ATXN7: variants seen among roughly 807,000 people sequenced by gnomAD.
ATXN7 encodes the protein ataxin-7.
ATXN7 carries 12 observed loss-of-function variants against 70.5 expected under a neutral mutation model. That is an observed-to-expected ratio of 0.17 (90% CI 0.11 to 0.28). ATXN7 has a LOEUF of 0.28. ATXN7 is among the 10% of genes least tolerant of loss of function. The pLI is 1.00. For missense variants in ATXN7, 1,256 were observed against 1,131.7 expected (o/e 1.11, Z -1.58); for synonymous variants, 498 against 448.7 (o/e 1.11, Z -1.39).
chr3:63,919,358 C>A (rs552402826), intron 4 of ATXN7, among the ~76,000 whole-genome samples: 2 of 152,148 alleles, frequency 1.3e-5, no homozygotes, highest in Non-Finnish European at 2.9e-5. Flanking sequence ...GACCACTGTT[C>A]TGATGAATTC....
intron 11 of ATXN7, among the ~76,000 whole-genome samples, chr3:63,993,529 T>A (rs1364057909): frequency 6.6e-6 from 1 of 152,194 alleles, no homozygotes; most frequent in South Asian, 2.1e-4. Context: ...ATGCTTGTTT[T>A]CCACCTAGCC....
intron 5 of ATXN7, among the ~76,000 whole-genome samples, chr3:63,960,200 A>G (rs2075104996): frequency 6.6e-6 from 1 of 152,340 alleles, no homozygotes; most frequent in South Asian, 2.1e-4. Flanking sequence ...CATAGAGGAA[A>G]TAGCAAGTGC....
intron 5 of ATXN7, 76 bp downstream of exon 5, chr3:63,952,559 G>C: frequency 1.0e-6 from 1 of 977,048 alleles, no homozygotes. Flanking sequence ...GAACAGTGAT[G>C]GCATGCATGG....
rs188085025 is a variant in ATXN7, at chr3:63,903,023, T to C, written c.-12+4526T>C. ...CTCCTTGCTTCTCATATGGTAAATC[T>C]AGAGTTATCTAGATTGTTTTTTGCA... On this transcript the variant is annotated intron_variant, in intron 2 of 12. Transcript: ENST00000674280. 1.3e-3 allele frequency among the ~76,000 whole-genome samples: 203 copies of C among 152,218 alleles called. 2 individuals carry two copies. The Middle Eastern group carries it at 0.02, about 15-fold the overall frequency.
At chr3:63,933,189 T>C (rs1331586130) in intron 4 of ATXN7, among the ~76,000 whole-genome samples, 2 of 152,214 alleles carry the variant, frequency 1.3e-5, no homozygotes, top group African/African-American at 2.4e-5. Flanking sequence ...GTATGTTTTA[T>C]GGCTAGGGAC....
intron 8 of ATXN7, among the ~76,000 whole-genome samples, chr3:63,985,424 C>T (rs974648316): frequency 1.3e-5 from 2 of 152,206 alleles, no homozygotes; most frequent in African/African-American, 4.8e-5. Flanking sequence ...ATGCAGCATC[C>T]ACCAGGCCTG....
At chr3:63,948,315 C>G (rs189661387) in intron 4 of ATXN7, among the ~76,000 whole-genome samples, 1 of 152,038 alleles carries the variant, frequency 6.6e-6, no homozygotes, top group Admixed American at 6.6e-5. Flanking sequence ...GTATCATTTA[C>G]CCAAAATGGG....
In ATXN7 at chr3:63,942,215, G is replaced by A. The variant is rs534505421; in HGVS notation, c.395-10164G>A. 6.6e-5 allele frequency among the ~76,000 whole-genome samples: 10 copies of A among 152,288 alleles called. No individual in the cohort carries two copies. The South Asian group carries it at 2.1e-3, about 32-fold the overall frequency. On this transcript the variant is annotated intron_variant, in intron 4 of 12. Transcript: ENST00000674280. ...AATTCAAGAAGGGCACTGAGTAGTG[G>A]AGGAGCTCATCTAATAAGATGGTAA...
chr3:63,888,603 C>G (rs1411864447), intron 1 of ATXN7, among the ~76,000 whole-genome samples: 1 of 152,016 alleles, frequency 6.6e-6, no homozygotes, highest in African/African-American at 2.4e-5. Flanking sequence ...ATGGTGAAAC[C>G]CTGTCTCTAC....
chr3:63,889,807 A>G (rs1007827894), intron 1 of ATXN7, among the ~76,000 whole-genome samples: 4 of 152,196 alleles, frequency 2.6e-5, no homozygotes, highest in African/African-American at 9.6e-5. Flanking sequence ...ACAGATTTTT[A>G]TGAATAGGGT....
chr3:63,989,687 A>T (rs984612547), intron 9 of ATXN7, among the ~76,000 whole-genome samples: 1 of 152,294 alleles, frequency 6.6e-6, no homozygotes, highest in East Asian at 1.9e-4. Flanking sequence ...GTTATATGCA[A>T]ATACTACACC....
chr3:63,980,075 G>A lies in ATXN7; in HGVS notation c.660G>A (p.Lys220=), dbSNP rs776381959. 23 of 1,614,148 alleles carry A rather than the reference G, an allele frequency of 1.4e-5. No homozygotes were observed. In the South Asian group the frequency reaches 2.5e-4, roughly 18 times the overall value. ...GVLSASSSSS[K]LLKSPKEKLQ... is the part of the protein sequence containing the mutation. ...TTAGCGCATCCTCATCAAGTTCCAAGTTGTTGAAATCACCCAAAGAGAAAC... is the reference window on the plus strand; with the variant it reads ...TTAGCGCATCCTCATCAAGTTCCAAATTGTTGAAATCACCCAAAGAGAAAC... Residue 220 remains lysine, a synonymous_variant, in exon 6 of 13, where the codon AAG becomes AAA. Transcript: ENST00000674280.
Position 64,003,348 on chromosome 3 carries a change from C to G in ATXN7, c.*3881C>G, listed in dbSNP as rs1436974387. ...TGTTGGCTGCTGTATAGAACATGAA[C>G]AAATGTCAAGGGATAGAAAATTACT... On this transcript the variant is annotated 3_prime_UTR_variant, in exon 13 of 13. Transcript: ENST00000674280. 2 of 150,052 alleles carry G rather than the reference C, an allele frequency of 1.3e-5. No individual in the cohort carries two copies. Among genetic ancestry groups the G allele is most frequent in the East Asian group, 3.9e-4 (2 of 5,068 alleles). The allele number at this position is 150,052 out of a possible 1,614,324, so 9.3% of individuals were successfully genotyped here.
chr3:63,911,132 A>T (rs1371293201), intron 2 of ATXN7, among the ~76,000 whole-genome samples: 1 of 152,208 alleles, frequency 6.6e-6, no homozygotes, highest in Non-Finnish European at 1.5e-5. Flanking sequence ...ATACTACTGC[A>T]GTGTGAAACA....
chr3:63,967,964 A>T, intron 5 of ATXN7: 1 of 1,535,662 alleles, frequency 6.5e-7, no homozygotes, highest in East Asian at 2.4e-5. Flanking sequence ...CAGGAGCTGA[A>T]AGCTCCACTG....
intron 6 of ATXN7, 148 bp from the exon 7 acceptor site, chr3:63,982,038 A>G: frequency 9.3e-7 from 1 of 1,076,878 alleles, no homozygotes; most frequent in Non-Finnish European, 1.3e-6. Context: ...GAACCTTACT[A>G]ACAAAACTCA....
intron 4 of ATXN7, among the ~76,000 whole-genome samples, chr3:63,923,677 C>T (rs977547325): frequency 1.3e-5 from 2 of 152,052 alleles, no homozygotes; most frequent in African/African-American, 4.8e-5. Flanking sequence ...ACCTGTAATC[C>T]CAGCTACTCA....
At chr3:63,939,366 G>C (rs116731468) in intron 4 of ATXN7, among the ~76,000 whole-genome samples, 1 of 152,240 alleles carries the variant, frequency 6.6e-6, no homozygotes, top group Admixed American at 6.5e-5. Context: ...CTTTCACCCT[G>C]TACTGCTGCA....
chr3:63,942,401 G>C (rs968632339), intron 4 of ATXN7, among the ~76,000 whole-genome samples: 1 of 152,126 alleles, frequency 6.6e-6, no homozygotes, highest in South Asian at 2.1e-4. Flanking sequence ...AGCATTGTAC[G>C]TGGAACACAG....
Sources: allele counts gnomAD v4.1 joint callset (sites outside exome capture counted in the v4.1 genomes callset), GRCh38; gene constraint gnomAD v4.1.1; transcripts MANE v1.5; gene names NCBI Gene and HGNC (gene_info 2026-07-23, HGNC 2026-07-21).